The following ADGRB3 variants were observed in gnomAD, a reference collection of about 807,000 sequenced individuals.
ADGRB3 encodes brain-specific angiogenesis inhibitor 3.
Under a neutral mutation model 193.4 loss-of-function variants are expected in ADGRB3, and 37 were observed. The ratio of observed to expected loss-of-function variants is 0.19; its 90% CI spans 0.15 to 0.25. The LOEUF is 0.25. Ranked by LOEUF, ADGRB3 falls within the 10% of genes least tolerant of loss-of-function variation. The probability of loss-of-function intolerance (pLI) is 1.00; values close to 1 mark genes in which losing one functional copy is unlikely to be tolerated. For synonymous variants in ADGRB3, 690 were observed against 644.2 expected (o/e 1.07, Z -1.08); for missense variants, 1,637 against 1,852.9 (o/e 0.88, Z 2.14).
chr6:68,656,717 T>C (rs1252893921), intron 3 of ADGRB3, among the ~76,000 whole-genome samples: 7 of 151,564 alleles, frequency 4.6e-5, no homozygotes, highest in African/African-American at 1.7e-4. Context: ...TTCTTTTTAC[T>C]TTCTATATCA....
intron 13 of ADGRB3, among the ~76,000 whole-genome samples, chr6:69,040,692 A>C (rs1265588471): frequency 4.1e-5 from 6 of 144,760 alleles, no homozygotes; most frequent in Non-Finnish European, 9.0e-5. Context: ...AAAAAAAAAA[A>C]AAAAAAAAAA....
chr6:68,694,556 T>C lies in ADGRB3; in HGVS notation c.757+55124T>C, dbSNP rs147296886. The stretch of plus-strand genomic sequence containing the variant: ...TCTGACTACACACACAGATGTCTGC[T>C]GAGATGTCCATTATCCCATGTGGCC... On this transcript the variant is annotated intron_variant, in intron 3 of 31. Coordinates refer to ENST00000370598, the MANE Select transcript of ADGRB3 (RefSeq NM_001704.3). Among the ~76,000 whole-genome samples, 243 of 152,106 alleles carry C rather than the reference T, an allele frequency of 1.6e-3. 1 individual carries two copies. The highest frequency in any genetic ancestry group is 0.01 in the Admixed American group (157 of 15,240).
chr6:69,130,069 C>T (rs559924557), intron 17 of ADGRB3, among the ~76,000 whole-genome samples: 57 of 152,156 alleles, frequency 3.7e-4, no homozygotes, highest in Admixed American at 2.6e-3. Flanking sequence ...GTATTCCTCA[C>T]GGTTCTGGAG....
At chr6:68,831,029 A>G (rs1767942078) in intron 3 of ADGRB3, among the ~76,000 whole-genome samples, 1 of 152,156 alleles carries the variant, frequency 6.6e-6, no homozygotes, top group East Asian at 1.9e-4. Context: ...CTGAATTTTA[A>G]TAACATTATA....
chr6:69,321,436 A>G (rs1285134081), intron 20 of ADGRB3, among the ~76,000 whole-genome samples: 1 of 151,816 alleles, frequency 6.6e-6, no homozygotes, highest in African/African-American at 2.4e-5. Flanking sequence ...GCCATAGTGG[A>G]AGTCGACACA....
intron 17 of ADGRB3, among the ~76,000 whole-genome samples, chr6:69,192,450 CT>C (rs1362041100): frequency 6.6e-6 from 1 of 152,140 alleles, no homozygotes; most frequent in Non-Finnish European, 1.5e-5. Flanking sequence ...TCCCAGTCCA[CT>C]GGCTCAAATG....
chr6:69,171,281 G>T (rs1775264476), intron 17 of ADGRB3, among the ~76,000 whole-genome samples: 2 of 152,120 alleles, frequency 1.3e-5, no homozygotes, highest in South Asian at 4.1e-4. Context: ...GAATTTGTAT[G>T]GATTTTAGTT....
intron 3 of ADGRB3, among the ~76,000 whole-genome samples, chr6:68,680,395 A>G (rs982933531): frequency 3.9e-5 from 6 of 152,218 alleles, no homozygotes; most frequent in African/African-American, 9.6e-5. Context: ...GAGGAGAAAG[A>G]GACCAGTAGT....
At chr6:68,897,221 G>A (rs1766241765) in intron 3 of ADGRB3, among the ~76,000 whole-genome samples, 1 of 151,806 alleles carries the variant, frequency 6.6e-6, no homozygotes, top group Admixed American at 6.6e-5. Context: ...AGGTTTGGGT[G>A]TGGTGACTTA....
At position 69,351,531 on chromosome 6, in the gene ADGRB3, A is replaced by G. The variant is rs530355522; in HGVS notation, c.3460-2702A>G. Among the ~76,000 whole-genome samples, 38 of 152,362 alleles carry G rather than the reference A, an allele frequency of 2.5e-4. No homozygotes were observed. The South Asian group carries it at 3.5e-3, about 14-fold the overall frequency. Reference sequence around the variant, plus strand: ...GAGAATCTAGCACTTAAATTGTGACATATGACCATTAAAATGACCTTGAAT... The same window carrying G: ...GAGAATCTAGCACTTAAATTGTGACGTATGACCATTAAAATGACCTTGAAT... On this transcript the variant is annotated intron_variant, in intron 26 of 31. Transcript: ENST00000370598.
intron 13 of ADGRB3, among the ~76,000 whole-genome samples, chr6:69,043,334 G>GGAAGAAAGAAAGGAAGAAAGAAAGAA (rs1208856464): frequency 9.1e-6 from 1 of 110,048 alleles, no homozygotes; most frequent in Admixed American, 9.8e-5. Context: ...GAAAGAAAGA[G>GGAAGAAAGAAAGGAAGAAAGAAAGAA]AAAGAAAAGA....
intron 17 of ADGRB3, among the ~76,000 whole-genome samples, chr6:69,124,953 G>C (rs2150331680): frequency 6.6e-6 from 1 of 151,580 alleles, no homozygotes; most frequent in South Asian, 2.1e-4. Flanking sequence ...GAAGAATGTA[G>C]CTTCTTAACA....
chr6:68,676,417 GGAGA>G (rs1213831665), intron 3 of ADGRB3, among the ~76,000 whole-genome samples: 1 of 147,934 alleles, frequency 6.8e-6, no homozygotes, highest in Non-Finnish European at 1.5e-5. Flanking sequence ...AAAAAGAAAA[GGAGA>G]GAGAGAGAAT....
chr6:68,947,245 T>G (rs1463637626), intron 6 of ADGRB3, among the ~76,000 whole-genome samples: 1 of 152,104 alleles, frequency 6.6e-6, no homozygotes, highest in Non-Finnish European at 1.5e-5. Context: ...TGTGTGTATG[T>G]GTGTGTTCAG....
intron 17 of ADGRB3, among the ~76,000 whole-genome samples, chr6:69,160,866 A>C (rs1774966543): frequency 6.6e-6 from 1 of 152,176 alleles, no homozygotes; most frequent in Non-Finnish European, 1.5e-5. Context: ...AAAGAGACCA[A>C]GATACATGAG....
chr6:68,885,448 TGAC>T (rs1397976554), intron 3 of ADGRB3, among the ~76,000 whole-genome samples: 2 of 152,116 alleles, frequency 1.3e-5, no homozygotes, highest in African/African-American at 4.8e-5. Flanking sequence ...TCAAACTAAT[TGAC>T]GAAAATCTAT....
chr6:69,333,936 C>CAAAATAAAATAAAATAAAAT (rs70987461), intron 24 of ADGRB3, among the ~76,000 whole-genome samples: 2 of 110,458 alleles, frequency 1.8e-5, no homozygotes, highest in Non-Finnish European at 3.7e-5. Flanking sequence ...TCTCAAAAAA[C>CAAAATAAAATAAAATAAAAT]AAAATAAAAT....
chr6:69,202,175 A>AAT (rs1765439659), intron 17 of ADGRB3, among the ~76,000 whole-genome samples: 2 of 152,146 alleles, frequency 1.3e-5, no homozygotes, highest in Non-Finnish European at 2.9e-5. Context: ...TTTGGTCACA[A>AAT]ATACCCTAAT....
chr6:68,675,520 C>G (rs925401426), intron 3 of ADGRB3, among the ~76,000 whole-genome samples: 17 of 151,984 alleles, frequency 1.1e-4, no homozygotes, highest in African/African-American at 4.1e-4. Context: ...AAATTGAAAT[C>G]AACATGAGGG....
Sources: allele counts gnomAD v4.1 joint callset (sites outside exome capture counted in the v4.1 genomes callset), GRCh38; gene constraint gnomAD v4.1.1; transcripts MANE v1.5; gene names NCBI Gene and HGNC (gene_info 2026-07-23, HGNC 2026-07-21).